Variants in PHF8 observed in about 807,000 individuals in gnomAD.
PHF8 encodes histone lysine demethylase PHF8.
A neutral mutation model predicts 74.4 loss-of-function variants in PHF8; 9 were observed. That is an observed-to-expected ratio of 0.12 (90% CI 0.07 to 0.21). The LOEUF (loss-of-function observed/expected upper bound fraction) is 0.21, where lower values mean the gene tolerates loss of function less well. Among genes scored for constraint, PHF8 ranks in the 10% least tolerant of loss-of-function variants. PHF8 has a pLI of 1.00. For synonymous variants in PHF8, 311 were observed against 316.6 expected (o/e 0.98, Z 0.19); for missense variants, 478 against 816.6 (o/e 0.59, Z 5.05).
At chrX:53,973,775 A>G (rs1261967225) in intron 18 of PHF8, among the ~76,000 whole-genome samples, 1 of 111,926 alleles carries the variant, frequency 8.9e-6, no homozygotes. Context: ...AATTGCAACA[A>G]AAGTAAAAAT....
chrX:53,940,500 T>C lies in PHF8; in HGVS notation c.2666A>G (p.Gln889Arg). Residue 889 changes from glutamine to arginine, a missense_variant, in exon 21 of 22, where the codon CAA (glutamine) becomes CGA (arginine). By Grantham distance (43) the Gln-to-Arg change is conservative. Transcript: ENST00000338154. ...KLAQQELQKA[Q>R]KKKYIKKKPL... ...CTTCTTCTTGATATATTTCTTCTTT[T>C]GGGCCTTCTGTAGCTCCTGAAACAC... The C allele has an allele frequency of 8.3e-7, 1 of 1,200,566 alleles. No homozygotes were observed. Among genetic ancestry groups the C allele is most frequent in the Non-Finnish European group, 1.1e-6 (1 of 886,826 alleles).
At chrX:54,021,586 A>T (rs1750905558) in intron 4 of PHF8, among the ~76,000 whole-genome samples, 1 of 98,787 alleles carries the variant, frequency 1.0e-5, no homozygotes, top group Non-Finnish European at 2.0e-5. Context: ...CTCCTGCCTC[A>T]GCCTCCCGAG....
At chrX:53,962,604 T>C (rs1311122353) in intron 19 of PHF8, among the ~76,000 whole-genome samples, 4 of 111,480 alleles carry the variant, frequency 3.6e-5, no homozygotes, top group African/African-American at 1.3e-4. Flanking sequence ...TAATATCAAA[T>C]GCAATATGCT....
At chrX:53,975,988 G>A (rs782422905) in intron 18 of PHF8, among the ~76,000 whole-genome samples, 3 of 110,661 alleles carry the variant, frequency 2.7e-5, no homozygotes, top group Non-Finnish European at 5.7e-5. Context: ...TACACAATAT[G>A]CTGTTAATAT....
At chrX:53,940,874 A>G (rs782049055) in intron 20 of PHF8, among the ~76,000 whole-genome samples, 3 of 112,543 alleles carry the variant, frequency 2.7e-5, no homozygotes, top group East Asian at 2.8e-4. Flanking sequence ...GACACTTTAT[A>G]TACTTTATCT....
At chrX:54,042,282 C>G (rs1302655301) in intron 2 of PHF8, among the ~76,000 whole-genome samples, 1 of 101,151 alleles carries the variant, frequency 9.9e-6, no homozygotes, top group Non-Finnish European at 2.0e-5. Context: ...GCCTGGGCAA[C>G]GAGCGAAACT....
intron 2 of PHF8, among the ~76,000 whole-genome samples, chrX:54,029,557 A>G (rs1294082858): frequency 1.8e-5 from 2 of 112,343 alleles, no homozygotes; most frequent in African/African-American, 6.5e-5. Flanking sequence ...TCAACTTACC[A>G]TGCAGTTTTA....
chrX:53,966,779 G>T (rs1344471707), intron 18 of PHF8, among the ~76,000 whole-genome samples: 2 of 109,608 alleles, frequency 1.8e-5, no homozygotes, highest in Non-Finnish European at 3.8e-5. Flanking sequence ...TCCCATCTAG[G>T]AAGTGAGGAG....
chrX:53,952,939 G>C (rs1557087409), intron 19 of PHF8, among the ~76,000 whole-genome samples: 1 of 106,856 alleles, frequency 9.4e-6, no homozygotes, highest in Non-Finnish European at 1.9e-5. Flanking sequence ...ATGTGAATTA[G>C]AATGGTATAA....
chrX:54,012,815 C>T (rs2066002389), intron 7 of PHF8, among the ~76,000 whole-genome samples: 1 of 109,309 alleles, frequency 9.1e-6, no homozygotes, highest in African/African-American at 3.3e-5. Context: ...TGGTGCACAC[C>T]TGTAGTCCCA....
chrX:54,034,249 A>G (rs2066411892), intron 2 of PHF8, among the ~76,000 whole-genome samples: 1 of 111,797 alleles, frequency 8.9e-6, no homozygotes, highest in Admixed American at 9.6e-5. Context: ...TGGCTTAATC[A>G]AATTCCTAAA....
chrX:54,036,127 A>G (rs2066451473), intron 2 of PHF8, among the ~76,000 whole-genome samples: 4 of 108,927 alleles, frequency 3.7e-5, no homozygotes, highest in Admixed American at 9.8e-5. Flanking sequence ...AAAAGAAAAG[A>G]AAAAAGAAAA....
chrX:54,020,087 G>A (rs1340776562), intron 4 of PHF8, among the ~76,000 whole-genome samples: 1 of 111,034 alleles, frequency 9.0e-6, no homozygotes, highest in Non-Finnish European at 1.9e-5. Context: ...TCGGGGTGCC[G>A]AGGCAGGAGA....
chrX:53,984,967 G>A lies in PHF8; in HGVS notation c.2390C>T (p.Ala797Val). 2.5e-6 allele frequency: 3 copies of A among 1,210,938 alleles called. No individual in the cohort carries two copies. Among genetic ancestry groups the A allele is most frequent in the Non-Finnish European group, 3.4e-6 (3 of 895,002 alleles). The stretch of plus-strand genomic sequence containing the variant: ...CAAGCTGTCCTGTTCATCCAGACTG[G>A]CGTTCTCCTCCTCCTCCTCGCTCTC... Reference protein sequence around the residue: ...RTESEEEEENASLDEQDSLGA... With the variant: ...RTESEEEEENVSLDEQDSLGA... Residue 797 changes from alanine to valine, a missense_variant, in exon 18 of 22, where the codon GCC (alanine) becomes GTC (valine). By Grantham distance (64) the Ala-to-Val change is moderately conservative. Transcript: ENST00000338154.
chrX:53,967,374 GC>G (rs2065221412), intron 18 of PHF8, among the ~76,000 whole-genome samples: 2 of 102,876 alleles, frequency 1.9e-5, no homozygotes, highest in African/African-American at 3.6e-5. Flanking sequence ...TGGGGGGTCA[GC>G]CCCCCGCCCG....
chrX:53,990,556 T>C (rs2065642681), intron 14 of PHF8, among the ~76,000 whole-genome samples: 1 of 111,323 alleles, frequency 9.0e-6, no homozygotes, highest in African/African-American at 3.3e-5. Context: ...ACAAAGGCAA[T>C]ATTCAACGGT....
chrX:53,983,567 T>C (rs1346219732), intron 18 of PHF8, among the ~76,000 whole-genome samples: 1 of 111,819 alleles, frequency 8.9e-6, no homozygotes, highest in Non-Finnish European at 1.9e-5. Context: ...ACTGGCCCTT[T>C]TGGAGGGAAA....
At chrX:53,962,375 A>G (rs2065119212) in intron 19 of PHF8, among the ~76,000 whole-genome samples, 1 of 111,817 alleles carries the variant, frequency 8.9e-6, no homozygotes, top group Non-Finnish European at 1.9e-5. Flanking sequence ...ATTATCCTCT[A>G]AACTCCATGT....
intron 2 of PHF8, among the ~76,000 whole-genome samples, chrX:54,037,234 ATTTT>A (rs1335951115): frequency 7.2e-5 from 8 of 111,152 alleles, no homozygotes; most frequent in African/African-American, 1.3e-4. Context: ...ACGAAGACAA[ATTTT>A]TTTTGTTTGT....
Sources: gnomAD v4.1 joint callset for allele counts (sites outside exome capture counted in the v4.1 genomes callset) on GRCh38, gnomAD v4.1.1 for gene constraint, MANE v1.5 for transcripts, NCBI Gene and HGNC (gene_info 2026-07-23, HGNC 2026-07-21) for gene names.